Variants in STXBP6 observed in about 807,000 individuals in gnomAD.
STXBP6 encodes syntaxin binding protein 6, also known as syntaxin-binding protein 6.
A neutral mutation model predicts 26.9 loss-of-function variants in STXBP6; 21 were observed. That is an observed-to-expected ratio of 0.78 (90% CI 0.55 to 1.12). The LOEUF is 1.12. STXBP6 is among the 50% of genes most tolerant of loss of function. The pLI is 0.00. For synonymous variants in STXBP6, 97 were observed against 92.6 expected, an observed-to-expected ratio of 1.05 and a Z score of -0.27; for missense variants, 232 against 257.9, an observed-to-expected ratio of 0.90 and a Z score of 0.69.
chr14:25,002,390 C>T (rs1183344260), intron 1 of STXBP6, among the ~76,000 whole-genome samples: 1 of 107,150 alleles, frequency 9.3e-6, no homozygotes, highest in Non-Finnish European at 1.8e-5. Flanking sequence ...GACACAGTCT[C>T]GCTCTGTCGC....
chr14:25,002,914 A>G (rs958987345), intron 1 of STXBP6, among the ~76,000 whole-genome samples: 13 of 151,510 alleles, frequency 8.6e-5, no homozygotes, highest in African/African-American at 2.9e-4. Context: ...TTTAGTGGAG[A>G]CGGGGTTTCA....
At chr14:25,003,400 A>G (rs772093684) in intron 1 of STXBP6, among the ~76,000 whole-genome samples, 3 of 152,202 alleles carry the variant, frequency 2.0e-5, no homozygotes, top group Non-Finnish European at 4.4e-5. Context: ...AAGAAGCATA[A>G]CAAGTCCTCC....
At chr14:24,966,241 G>C (rs573964760) in intron 2 of STXBP6, among the ~76,000 whole-genome samples, 1 of 152,282 alleles carries the variant, frequency 6.6e-6, no homozygotes, top group Admixed American at 6.5e-5. Context: ...AGAAAACTCT[G>C]TTGGCGTGCT....
At chr14:25,015,757 CT>C (rs1258438593) in intron 1 of STXBP6, among the ~76,000 whole-genome samples, 2 of 150,824 alleles carry the variant, frequency 1.3e-5, no homozygotes, top group Non-Finnish European at 2.9e-5. Context: ...TGCATAGTGC[CT>C]TTTTTTGTAA....
At chr14:25,019,909 CCT>C (rs1306436641) in intron 1 of STXBP6, among the ~76,000 whole-genome samples, 1 of 142,054 alleles carries the variant, frequency 7.0e-6, no homozygotes, top group Non-Finnish European at 1.5e-5. Flanking sequence ...AACTCCTTTC[CCT>C]CTCAAGTATA....
At chr14:24,823,236 G>A (rs1446942145) in intron 4 of STXBP6, among the ~76,000 whole-genome samples, 1 of 152,098 alleles carries the variant, frequency 6.6e-6, no homozygotes, top group African/African-American at 2.4e-5. Context: ...CATTGAGAGA[G>A]CAACTGGAGA....
rs185285974 is a variant in STXBP6, at chr14:24,956,184, A to G, written c.154+18481T>C. Among the ~76,000 whole-genome samples, 82 of 149,790 alleles carry G rather than the reference A, an allele frequency of 5.5e-4. No individual in the cohort carries two copies. In the South Asian group the frequency reaches 0.01, roughly 19 times the overall value. On this transcript the variant is annotated intron_variant, in intron 2 of 5. Transcript: ENST00000323944. ...CATGGGTCAATGGAATTAAGGGAGA[A>G]AAAAAAAATCACTGCATCTTTGAAT... is the stretch of plus-strand genomic sequence containing the variant.
chr14:24,829,113 G>C (rs2068377225), intron 4 of STXBP6, among the ~76,000 whole-genome samples: 1 of 151,994 alleles, frequency 6.6e-6, no homozygotes, highest in Non-Finnish European at 1.5e-5. Flanking sequence ...CAATCCTCTA[G>C]ACTCAGGAAA....
At chr14:24,906,862 C>T (rs1318227403) in intron 2 of STXBP6, among the ~76,000 whole-genome samples, 5 of 151,988 alleles carry the variant, frequency 3.3e-5, no homozygotes, top group Admixed American at 6.6e-5. Context: ...AAAGCAGAAA[C>T]TACTCAATGA....
intron 1 of STXBP6, among the ~76,000 whole-genome samples, chr14:25,012,451 C>A (rs2075052504): frequency 3.3e-5 from 5 of 151,938 alleles, no homozygotes; most frequent in Admixed American, 3.3e-4. Flanking sequence ...TATGGCAAAG[C>A]CCCATCTCTA....
At chr14:25,020,131 G>A (rs1286789497) in intron 1 of STXBP6, among the ~76,000 whole-genome samples, 1 of 152,128 alleles carries the variant, frequency 6.6e-6, no homozygotes, top group Non-Finnish European at 1.5e-5. Context: ...AAGGGATTCA[G>A]TTAAACTTGG....
At chr14:24,852,945 A>C (rs2069203359) in intron 4 of STXBP6, among the ~76,000 whole-genome samples, 1 of 152,122 alleles carries the variant, frequency 6.6e-6, no homozygotes, top group Non-Finnish European at 1.5e-5. Context: ...TTGGCAAGCT[A>C]TTTGATCTCT....
intron 2 of STXBP6, among the ~76,000 whole-genome samples, chr14:24,971,713 C>T (rs2073912032): frequency 6.6e-6 from 1 of 152,214 alleles, no homozygotes; most frequent in Non-Finnish European, 1.5e-5. Context: ...TGAAGCCCTA[C>T]TTTTCTCAAA....
chr14:24,982,123 G>A (rs1016892873), intron 1 of STXBP6, among the ~76,000 whole-genome samples: 2 of 152,162 alleles, frequency 1.3e-5, no homozygotes, highest in Non-Finnish European at 2.9e-5. Flanking sequence ...AAATCTCAGT[G>A]GAGTGCTCCT....
intron 1 of STXBP6, chr14:25,010,501 T>C (rs778808438): frequency 6.6e-6 from 1 of 152,264 alleles, no homozygotes; most frequent in East Asian, 1.9e-4. Context: ...ATTTAAAATA[T>C]GTTTTTATAA....
intron 2 of STXBP6, among the ~76,000 whole-genome samples, chr14:24,871,130 C>A (rs946889629): frequency 6.6e-6 from 1 of 151,516 alleles, no homozygotes; most frequent in Non-Finnish European, 1.5e-5. Context: ...TCACTACTTT[C>A]ATATGGCAGG....
chr14:24,928,303 A>G (rs150359242), intron 2 of STXBP6, among the ~76,000 whole-genome samples: 107 of 152,264 alleles, frequency 7.0e-4, no homozygotes, highest in East Asian at 3.1e-3. Context: ...TGGGATATAG[A>G]AAGATTCCAG....
intron 2 of STXBP6, among the ~76,000 whole-genome samples, chr14:24,937,095 C>T (rs1029150604): frequency 1.1e-4 from 17 of 152,300 alleles, no homozygotes; most frequent in African/African-American, 3.8e-4. Flanking sequence ...ACAATGAGAA[C>T]ACATGGACAC....
chr14:25,038,840 A>G (rs1566579723), intron 1 of STXBP6, among the ~76,000 whole-genome samples: 1 of 152,208 alleles, frequency 6.6e-6, no homozygotes, highest in Admixed American at 6.5e-5. Context: ...AGAAAAAAAA[A>G]TAATGGTAGT....
Sources: gnomAD v4.1 joint callset for allele counts (sites outside exome capture counted in the v4.1 genomes callset) on GRCh38, gnomAD v4.1.1 for gene constraint, MANE v1.5 for transcripts, NCBI Gene and HGNC (gene_info 2026-07-23, HGNC 2026-07-21) for gene names.